The following RERE variants were observed in gnomAD, a reference collection of about 807,000 sequenced individuals.
RERE encodes arginine-glutamic acid dipeptide repeats, also known as arginine-glutamic acid dipeptide repeats protein.
RERE carries 40 observed loss-of-function variants against 146.1 expected under a neutral mutation model. The observed-to-expected ratio is 0.27, with a 90% confidence interval of 0.21 to 0.36. RERE has a LOEUF of 0.36. Among genes scored for constraint, RERE ranks in the 10% least tolerant of loss-of-function variants. The pLI, the probability that RERE is intolerant of heterozygous loss-of-function variation, is 1.00. For synonymous variants in RERE, 1,003 were observed against 866.0 expected (o/e 1.16, Z -2.78); for missense variants, 1,933 against 2,138.7 (o/e 0.90, Z 1.90).
intron 1 of RERE, among the ~76,000 whole-genome samples, chr1:8,750,150 CAAAAAAA>C (rs3045405): frequency 1.0e-5 from 1 of 96,554 alleles, no homozygotes; most frequent in South Asian, 3.9e-4. Context: ...GCCTCTGTCT[CAAAAAAA>C]AAAAAAAAAA....
intron 2 of RERE, among the ~76,000 whole-genome samples, chr1:8,652,531 C>A (rs561372396): frequency 2.5e-4 from 38 of 152,274 alleles, no homozygotes; most frequent in African/African-American, 9.1e-4. Context: ...TTATAAAGGA[C>A]AGAGGTTTAA....
rs761875399 is a variant in RERE at position 8,361,806 on chromosome 1, G to C, written c.1973C>G (p.Thr658Arg). 1.2e-6 allele frequency: 2 copies of C among 1,613,990 alleles called. No homozygotes were observed. The highest frequency in any genetic ancestry group is 1.7e-6 in the Non-Finnish European group (2 of 1,179,884). ...GGAGCTGGTCCTGTCAGCCTCCTCC[G>C]TATCAGAGGCCACCTTCTCCCGCTG... Reference protein sequence around the residue: ...KRQREKVASDTEEADRTSSKK... With the variant: ...KRQREKVASDREEADRTSSKK... Residue 658 changes from threonine to arginine, a missense_variant, in exon 17 of 23, where the codon ACG becomes AGG. By Grantham distance (71) the Thr-to-Arg change is moderately conservative. Around this residue, in one of 11 missense-constraint regions of RERE, gnomAD observed 1,255 missense variants for 1,153.8 expected, o/e 1.09. Transcript: ENST00000400908.
intron 1 of RERE, among the ~76,000 whole-genome samples, chr1:8,741,526 A>G (rs1396154217): frequency 6.6e-6 from 1 of 152,138 alleles, no homozygotes; most frequent in Non-Finnish European, 1.5e-5. Context: ...TGTTCTCGTG[A>G]TGGTCAGTGA....
chr1:8,504,848 G>A (rs955147206), intron 8 of RERE, among the ~76,000 whole-genome samples: 1 of 150,724 alleles, frequency 6.6e-6, no homozygotes, highest in East Asian at 1.9e-4. Context: ...GTGAGACTCC[G>A]TCTCAAAAAA....
intron 1 of RERE, among the ~76,000 whole-genome samples, chr1:8,774,384 G>A (rs140967354): frequency 0.016 from 1,704 of 103,748 alleles, 46 homozygotes; most frequent in African/African-American, 0.059. Context: ...ACAGAGTTTC[G>A]CTCTTGTTGC....
At chr1:8,715,528 T>A (rs143438334) in intron 1 of RERE, among the ~76,000 whole-genome samples, 1 of 151,656 alleles carries the variant, frequency 6.6e-6, no homozygotes, top group Non-Finnish European at 1.5e-5. Flanking sequence ...AATAATAATA[T>A]AAACATTCAA....
chr1:8,750,941 G>A (rs146673215), intron 1 of RERE: 12,282 of 741,310 alleles, frequency 0.017, 185 homozygotes, highest in Middle Eastern at 0.066. Flanking sequence ...GACAGATAAC[G>A]CTTTGATTGC....
Position 8,410,230 on chromosome 1 carries a change from C to T in RERE, c.1284+12497G>A, listed in dbSNP as rs574627006. 4.1e-4 allele frequency among the ~76,000 whole-genome samples: 62 copies of T among 152,182 alleles called. 1 individual carries two copies. Among genetic ancestry groups the T allele is most frequent in the Admixed American group, 3.3e-3 (51 of 15,288 alleles). The stretch of plus-strand genomic sequence containing the variant: ...GGGGGGCCGCCCTGGCTGGGGGACA[C>T]GGCTGGGGCCATTGTTGCCACTTTC... On this transcript the variant is annotated intron_variant, in intron 12 of 22. Coordinates refer to ENST00000400908, the MANE Select transcript of RERE (RefSeq NM_001042681.2).
intron 10 of RERE, among the ~76,000 whole-genome samples, chr1:8,482,389 G>A (rs1184863273): frequency 6.6e-6 from 1 of 151,876 alleles, no homozygotes. Flanking sequence ...ATTCAAACAA[G>A]ACAAAAAATA....
intron 3 of RERE, among the ~76,000 whole-genome samples, chr1:8,621,846 G>C (rs1646919725): frequency 6.6e-6 from 1 of 152,074 alleles, no homozygotes; most frequent in Non-Finnish European, 1.5e-5. Context: ...AAAAAATCTT[G>C]ATCATTCTCA....
intron 1 of RERE, among the ~76,000 whole-genome samples, chr1:8,726,142 C>CTTTTT (rs1348386294): frequency 3.7e-5 from 4 of 107,138 alleles, no homozygotes; most frequent in African/African-American, 1.5e-4. Context: ...TTCCTTTTTT[C>CTTTTT]TTTTCTTTTT....
At chr1:8,690,694 C>T (rs1268461021) in intron 1 of RERE, among the ~76,000 whole-genome samples, 2 of 152,020 alleles carry the variant, frequency 1.3e-5, no homozygotes, top group African/African-American at 2.4e-5. Context: ...CCTAGTTTCA[C>T]GGGTCACACA....
chr1:8,530,753 G>A (rs558551629), intron 7 of RERE, among the ~76,000 whole-genome samples: 77 of 141,946 alleles, frequency 5.4e-4, no homozygotes, highest in African/African-American at 1.9e-3. Context: ...CTGCAGTGGC[G>A]CAATCTCGGC....
chr1:8,586,430 C>T (rs1570472754), intron 4 of RERE, among the ~76,000 whole-genome samples: 2 of 152,290 alleles, frequency 1.3e-5, no homozygotes, highest in South Asian at 4.1e-4. Flanking sequence ...TTAAGCTATA[C>T]ATATGTTTTG....
chr1:8,667,796 C>T (rs746165361), intron 1 of RERE, among the ~76,000 whole-genome samples: 3 of 152,216 alleles, frequency 2.0e-5, no homozygotes, highest in Non-Finnish European at 4.4e-5. Context: ...ACACTGCCAA[C>T]AGTTGTGTCT....
chr1:8,642,961 G>T (rs545043233), intron 2 of RERE, among the ~76,000 whole-genome samples: 1 of 152,158 alleles, frequency 6.6e-6, no homozygotes, highest in Non-Finnish European at 1.5e-5. Context: ...GGTATCTAGG[G>T]AATGAGTAAG....
At chr1:8,604,037 C>T (rs1646667939) in intron 4 of RERE, among the ~76,000 whole-genome samples, 2 of 152,126 alleles carry the variant, frequency 1.3e-5, no homozygotes, top group African/African-American at 2.4e-5. Flanking sequence ...GGGGACAAGC[C>T]TTCATTTGCT....
intron 2 of RERE, among the ~76,000 whole-genome samples, chr1:8,629,806 C>T (rs1047691636): frequency 5.3e-5 from 8 of 152,168 alleles, no homozygotes; most frequent in African/African-American, 1.2e-4. Context: ...AATGTGTCTC[C>T]GCCTATTAAT....
In RERE at chr1:8,503,127, TAAA is replaced by T. The variant is rs1013140295; in HGVS notation, c.879+5497_879+5499del. On this transcript the variant is annotated intron_variant, in intron 8 of 22. Transcript: ENST00000400908. ...ATAAATAAATAAATAAATAAATAAA[TAAA>T]AAAGAATTGATGAGTCAACCTCTCT... is the stretch of plus-strand genomic sequence containing the variant. 2.6e-4 allele frequency among the ~76,000 whole-genome samples: 38 copies of T among 143,782 alleles called. 1 individual carries two copies. The highest frequency in any genetic ancestry group is 9.9e-4 in the African/African-American group (38 of 38,520). The allele number at this position is 143,782 out of a possible 152,430, so 94.3% of individuals were successfully genotyped here.
Sources: allele counts gnomAD v4.1 joint callset (sites outside exome capture counted in the v4.1 genomes callset), GRCh38; gene constraint gnomAD v4.1.1; regional missense constraint gnomAD v4.1.1; transcripts MANE v1.5; gene names NCBI Gene and HGNC (gene_info 2026-07-23, HGNC 2026-07-21).